MDGA2: variants seen among roughly 807,000 people sequenced by gnomAD.
The protein encoded by MDGA2 is MAM domain containing glycosylphosphatidylinositol anchor 2.
In MDGA2, 40 loss-of-function variants were observed where a neutral mutation model predicts 117.8. The ratio of observed to expected loss-of-function variants is 0.34; its 90% CI spans 0.26 to 0.44. MDGA2 has a LOEUF of 0.44. MDGA2 is among the 20% of genes least tolerant of loss of function. The pLI is 1.00. For synonymous variants in MDGA2, 452 were observed against 439.0 expected (o/e 1.03, Z -0.37); for missense variants, 1,123 against 1,250.6 (o/e 0.90, Z 1.54).
intron 2 of MDGA2, among the ~76,000 whole-genome samples, chr14:47,241,520 G>A (rs1887040290): frequency 1.3e-5 from 2 of 151,850 alleles, no homozygotes; most frequent in Admixed American, 6.6e-5. Context: ...GTTAATTTTA[G>A]AAAGGTTTTA....
At chr14:46,974,847 A>T (rs1203191677) in intron 8 of MDGA2, among the ~76,000 whole-genome samples, 1 of 152,176 alleles carries the variant, frequency 6.6e-6, no homozygotes, top group Non-Finnish European at 1.5e-5. Context: ...ATGGATGACA[A>T]CAGAAAACAA....
At chr14:47,097,291 T>C (rs1880032402) in intron 5 of MDGA2, among the ~76,000 whole-genome samples, 168 bp from the exon 6 acceptor site, 1 of 152,114 alleles carries the variant, frequency 6.6e-6, no homozygotes, top group Non-Finnish European at 1.5e-5. Context: ...TGGTTTCATA[T>C]TTTAATTAAA....
intron 1 of MDGA2, among the ~76,000 whole-genome samples, chr14:47,642,418 A>G (rs996131002): frequency 6.6e-6 from 1 of 152,120 alleles, no homozygotes; most frequent in African/African-American, 2.4e-5. Flanking sequence ...CAGCATATTA[A>G]AAACAGACAA....
At chr14:47,438,899 A>G in intron 1 of MDGA2, among the ~76,000 whole-genome samples, 1 of 152,166 alleles carries the variant, frequency 6.6e-6, no homozygotes, top group Non-Finnish European at 1.5e-5. Context: ...CTGCCTTAGG[A>G]ACAAGCATAG....
intron 1 of MDGA2, among the ~76,000 whole-genome samples, chr14:47,569,110 T>C (rs547882179): frequency 1.4e-4 from 21 of 152,228 alleles, no homozygotes; most frequent in African/African-American, 4.8e-4. Context: ...TTTATTTGCT[T>C]TTCAAAATAA....
intron 13 of MDGA2, 58 bp from the exon 14 acceptor site, chr14:46,873,649 C>A: frequency 6.9e-7 from 1 of 1,454,190 alleles, no homozygotes; most frequent in South Asian, 1.3e-5. Flanking sequence ...AATGAAATTT[C>A]AAATCACTGA....
intron 7 of MDGA2, among the ~76,000 whole-genome samples, chr14:47,044,593 A>C (rs1889191051): frequency 6.6e-6 from 1 of 152,164 alleles, no homozygotes; most frequent in African/African-American, 2.4e-5. Flanking sequence ...TAATATGAAT[A>C]AGCATAATAC....
intron 6 of MDGA2, among the ~76,000 whole-genome samples, chr14:47,072,160 A>G (rs1335815055): frequency 1.3e-5 from 2 of 148,678 alleles, no homozygotes; most frequent in African/African-American, 2.5e-5. Context: ...GTATTCATTA[A>G]TAGTTAACTG....
chr14:47,046,249 G>C (rs1431305233), intron 7 of MDGA2, among the ~76,000 whole-genome samples: 2 of 152,070 alleles, frequency 1.3e-5, no homozygotes, highest in Non-Finnish European at 2.9e-5. Flanking sequence ...GAAATGGCTA[G>C]GTCATTCGAT....
At chr14:47,515,289 A>G (rs1217308657) in intron 1 of MDGA2, among the ~76,000 whole-genome samples, 2 of 152,124 alleles carry the variant, frequency 1.3e-5, no homozygotes, top group African/African-American at 4.8e-5. Context: ...ACATCACAGT[A>G]ATTTTCAGTA....
At chr14:47,043,408 T>G (rs1453518731) in intron 7 of MDGA2, among the ~76,000 whole-genome samples, 2 of 152,056 alleles carry the variant, frequency 1.3e-5, no homozygotes, top group African/African-American at 2.4e-5. Flanking sequence ...CTAAATTTTT[T>G]TGTGTGTGGT....
intron 16 of MDGA2, among the ~76,000 whole-genome samples, chr14:46,843,156 A>T (rs981750096): frequency 1.3e-4 from 20 of 152,042 alleles, no homozygotes; most frequent in Admixed American, 4.6e-4. Context: ...AAAAAAACTA[A>T]TTATAAAAAT....
chr14:47,651,686 A>G (rs1309045181), intron 1 of MDGA2, among the ~76,000 whole-genome samples: 1 of 152,138 alleles, frequency 6.6e-6, no homozygotes, highest in African/African-American at 2.4e-5. Context: ...TGAAGAGAAT[A>G]CTACATTCGA....
At chr14:47,625,974 C>G (rs1897132151) in intron 1 of MDGA2, among the ~76,000 whole-genome samples, 1 of 152,178 alleles carries the variant, frequency 6.6e-6, no homozygotes, top group Non-Finnish European at 1.5e-5. Context: ...GACAGAGTTT[C>G]CAGTCTCTGT....
intron 16 of MDGA2, among the ~76,000 whole-genome samples, chr14:46,845,073 C>T (rs1402607638): frequency 6.6e-6 from 1 of 152,080 alleles, no homozygotes; most frequent in Non-Finnish European, 1.5e-5. Flanking sequence ...TAAATAGAGA[C>T]GGGGTTTCAC....
intron 1 of MDGA2, among the ~76,000 whole-genome samples, chr14:47,633,559 A>C (rs1897275390): frequency 6.6e-6 from 1 of 152,232 alleles, no homozygotes; most frequent in South Asian, 2.1e-4. Flanking sequence ...TTCATAGGTA[A>C]ACATGACAAA....
chr14:47,288,434 A>G (rs1888764435), intron 2 of MDGA2, among the ~76,000 whole-genome samples: 1 of 152,140 alleles, frequency 6.6e-6, no homozygotes, highest in East Asian at 1.9e-4. Flanking sequence ...CATATTGCAG[A>G]CCCAGATGCA....
At chr14:46,846,774 A>G (rs2138274818) in intron 15 of MDGA2, among the ~76,000 whole-genome samples, 1 of 152,236 alleles carries the variant, frequency 6.6e-6, no homozygotes, top group African/African-American at 2.4e-5. Flanking sequence ...TGGTGGGTAT[A>G]CAGTTCTAGA....
At chr14:46,924,115 A>G (rs549352124) in intron 9 of MDGA2, among the ~76,000 whole-genome samples, 31 of 152,110 alleles carry the variant, frequency 2.0e-4, no homozygotes, top group African/African-American at 7.5e-4. Flanking sequence ...CTGAACTGGG[A>G]GGTAAATTTT....
Sources: allele counts gnomAD v4.1 joint callset (sites outside exome capture counted in the v4.1 genomes callset), GRCh38; gene constraint gnomAD v4.1.1; transcripts MANE v1.5; gene names NCBI Gene and HGNC (gene_info 2026-07-23, HGNC 2026-07-21).